Variants in NAPA observed in about 807,000 individuals in gnomAD.
The protein encoded by NAPA is NSF attachment protein alpha, also known as alpha-soluble NSF attachment protein.
Under a neutral mutation model 48.0 loss-of-function variants are expected in NAPA, and 18 were observed. The observed-to-expected ratio is 0.38, with a 90% CI of 0.26 to 0.56. NAPA has a LOEUF of 0.56. Ranked by LOEUF, NAPA falls within the 20% of genes least tolerant of loss-of-function variation. NAPA has a pLI of 0.77. For missense variants in NAPA, 315 were observed against 385.0 expected, an observed-to-expected ratio of 0.82 and a Z score of 1.52; for synonymous variants, 152 against 149.9, an observed-to-expected ratio of 1.01 and a Z score of -0.10.
At chr19:47,511,708 A>T (rs1233617245) in intron 1 of NAPA, among the ~76,000 whole-genome samples, 1 of 152,186 alleles carries the variant, frequency 6.6e-6, no homozygotes, top group African/African-American at 2.4e-5. Flanking sequence ...CAAATAAGTC[A>T]ACTTCTCTAA....
rs1461886011 is a variant in NAPA, at chr19:47,493,937, A to C, written c.343-444T>G. Among the ~76,000 whole-genome samples the C allele has an allele frequency of 1.3e-5, 2 of 152,314 alleles. No homozygotes were observed. Among genetic ancestry groups the C allele is most frequent in the East Asian group, 3.9e-4 (2 of 5,186 alleles). On this transcript the variant is annotated intron_variant, in intron 4 of 10. Transcript: ENST00000263354. This position sits in a 1 kb window ranked among gnomAD's most constrained non-coding sequence, Gnocchi z 6.4. ...GAGGGAGGGCTTGAGACCTCTGCCC[A>C]AGAGTACCAGCTCTGCCCCCAGGCC...
chr19:47,493,759 C>G lies in NAPA; in HGVS notation c.343-266G>C, dbSNP rs767310726. 208 of 477,198 alleles carry G rather than the reference C, an allele frequency of 4.4e-4. No individual in the cohort carries two copies. Among genetic ancestry groups the G allele is most frequent in the Non-Finnish European group, 7.1e-4 (186 of 260,528 alleles). The allele number at this position is 477,198 out of a possible 1,614,324, so 29.6% of individuals were successfully genotyped here. A position where few individuals can be genotyped will look rare whatever the true frequency, so the allele number is the denominator to read the frequency against. ...GGGCCTTAGCCTAATTCCATCCCAT[C>G]CACGAGGGCACAGATGGTGTGACAC... On this transcript the variant is annotated intron_variant, in intron 4 of 10. Coordinates refer to ENST00000263354, the MANE Select transcript of NAPA (RefSeq NM_003827.4). The surrounding 1 kb of genome is among the most constrained non-coding windows in gnomAD (Gnocchi z 6.4).
chr19:47,495,481 A>G, intron 4 of NAPA, 69 bp downstream of exon 4: 1 of 1,518,386 alleles, frequency 6.6e-7, no homozygotes, highest in Non-Finnish European at 9.1e-7. Context: ...GGGGTGCTGA[A>G]AGAGGGGACG....
Position 47,514,836 on chromosome 19 carries a change from T to C in NAPA, c.98+7A>G. ...GGTCCCGGCCGACCCCTCAGCCCGGTTCTCACCCAAAGAGGCCAGAGAAGA... is the reference window on the plus strand; with the variant it reads ...GGTCCCGGCCGACCCCTCAGCCCGGCTCTCACCCAAAGAGGCCAGAGAAGA... On this transcript the variant is annotated splice_region_variant and intron_variant, in intron 1 of 10. Coordinates refer to ENST00000263354, the MANE Select transcript of NAPA (RefSeq NM_003827.4). The C allele has an allele frequency of 6.2e-7, 1 of 1,613,366 alleles. No homozygotes were observed. The highest frequency in any genetic ancestry group is 8.5e-7 in the Non-Finnish European group (1 of 1,179,592).
rs1426736128 is a variant in NAPA at position 47,493,196 on chromosome 19, G to A, written c.421-22C>T. 4.5e-6 allele frequency: 7 copies of A among 1,572,936 alleles called. No homozygotes were observed. The highest frequency in any genetic ancestry group is 5.2e-6 in the Non-Finnish European group (6 of 1,156,400). On this transcript the variant is annotated intron_variant, in intron 5 of 10. Coordinates refer to ENST00000263354, the MANE Select transcript of NAPA (RefSeq NM_003827.4). The surrounding 1 kb of genome is among the most constrained non-coding windows in gnomAD (Gnocchi z 6.4). Reference sequence around the variant, plus strand: ...TGGCCTGGGGAGACACGGGGGATGGGTTCCAGGGGAGGGCAGGGAAGGGAG... The same window carrying A: ...TGGCCTGGGGAGACACGGGGGATGGATTCCAGGGGAGGGCAGGGAAGGGAG...
Position 47,488,099 on chromosome 19 carries a change from G to A in NAPA, c.*189C>T. ...GGGGGCAAGGGATGTAGCGAGAACA[G>A]AGGGTGACTGTCCGGCCAGCAGCCT... On this transcript the variant is annotated 3_prime_UTR_variant, in exon 11 of 11. Transcript: ENST00000263354. 1 of 576,760 alleles carries A rather than the reference G, an allele frequency of 1.7e-6. No homozygotes were observed. The highest frequency in any genetic ancestry group is 2.0e-5 in the South Asian group (1 of 49,378). The allele number at this position is 576,760 out of a possible 1,614,324, so 35.7% of individuals were successfully genotyped here.
intron 2 of NAPA, among the ~76,000 whole-genome samples, chr19:47,501,851 G>A (rs1480161341): frequency 6.6e-6 from 1 of 152,152 alleles, no homozygotes; most frequent in African/African-American, 2.4e-5. Flanking sequence ...GGACCAGGAG[G>A]CCTGGCCCTA....
At position 47,493,088 on chromosome 19, in the gene NAPA, G is replaced by A; in HGVS notation, c.476+31C>T. 2 of 1,614,030 alleles carry A rather than the reference G, an allele frequency of 1.2e-6. No individual in the cohort carries two copies. The highest frequency in any genetic ancestry group is 1.7e-6 in the Non-Finnish European group (2 of 1,179,938). ...GTGAGGGGAAGTGGTGGCGGTCCCT[G>A]CGGGGCTGGGGCAGGCAGGAAGGGG... is the stretch of plus-strand genomic sequence containing the variant. On this transcript the variant is annotated intron_variant, in intron 6 of 10. Coordinates refer to ENST00000263354, the MANE Select transcript of NAPA (RefSeq NM_003827.4). The surrounding 1 kb of genome is among the most constrained non-coding windows in gnomAD (Gnocchi z 6.4).
At chr19:47,501,751 G>A (rs1968582396) in intron 2 of NAPA, among the ~76,000 whole-genome samples, 1 of 152,046 alleles carries the variant, frequency 6.6e-6, no homozygotes. Flanking sequence ...CCTCCTCCTC[G>A]TGCAGCTGAC....
chr19:47,502,828 G>C (rs376535183), intron 2 of NAPA, among the ~76,000 whole-genome samples: 6 of 152,258 alleles, frequency 3.9e-5, no homozygotes, highest in African/African-American at 9.6e-5. Context: ...GCCTCACTGG[G>C]GCAGGTTAAA....
chr19:47,490,309 G>A (rs954338344), intron 9 of NAPA, among the ~76,000 whole-genome samples: 17 of 115,360 alleles, frequency 1.5e-4, no homozygotes, highest in South Asian at 2.9e-4. Context: ...GGGGTGTGTC[G>A]TGTGTGTGTA....
At chr19:47,486,303 C>T (rs1371149844), downstream of NAPA, among the ~76,000 whole-genome samples, 1 of 151,908 alleles carries the variant, frequency 6.6e-6, no homozygotes, top group Admixed American at 6.6e-5. Context: ...TGCAGTGAAC[C>T]AAGATCGCAC....
intron 1 of NAPA, among the ~76,000 whole-genome samples, chr19:47,513,164 T>C (rs1473288192): frequency 6.6e-6 from 1 of 151,468 alleles, no homozygotes; most frequent in Non-Finnish European, 1.5e-5. Context: ...TTCTCCTTCC[T>C]CTGCCCAGAG....
chr19:47,496,645 C>G, intron 3 of NAPA: 1 of 271,922 alleles, frequency 3.7e-6, no homozygotes, highest in Non-Finnish European at 7.5e-6. Flanking sequence ...CATGGTCACC[C>G]AGGCCATGTT....
In NAPA at chr19:47,491,259, C is replaced by A. The variant is rs1968258614; in HGVS notation, c.667-403G>T. The A allele has an allele frequency of 2.6e-5, 5 of 193,414 alleles. 1 individual carries two copies. In the South Asian group the frequency reaches 4.5e-4, roughly 17 times the overall value. 12.0% of individuals were successfully genotyped at this position (193,414 alleles called of 1,614,324 possible). On this transcript the variant is annotated intron_variant, in intron 8 of 10. Transcript: ENST00000263354. ...GTGAGGAAACAGATCCAGAGAGGGG[C>A]AGTGACCTGCCCAGGGCACGGTGAG...
intron 1 of NAPA, among the ~76,000 whole-genome samples, chr19:47,504,730 T>C (rs1968660163): frequency 6.6e-6 from 1 of 151,934 alleles, no homozygotes; most frequent in African/African-American, 2.4e-5. Context: ...CATTTACACA[T>C]ACACAGACAC....
intron 3 of NAPA, among the ~76,000 whole-genome samples, chr19:47,499,148 A>G (rs1968509020): frequency 1.3e-5 from 2 of 152,220 alleles, no homozygotes; most frequent in Non-Finnish European, 2.9e-5. Context: ...CTGGAGAGCT[A>G]GAAAAGCTCA....
chr19:47,508,127 G>A (rs1968729524), intron 1 of NAPA, among the ~76,000 whole-genome samples: 1 of 152,176 alleles, frequency 6.6e-6, no homozygotes. Context: ...GCATCCTCTA[G>A]GCAAAGGAGT....
At chr19:47,508,096 T>C (rs1262839381) in intron 1 of NAPA, among the ~76,000 whole-genome samples, 1 of 152,042 alleles carries the variant, frequency 6.6e-6, no homozygotes, top group Non-Finnish European at 1.5e-5. Flanking sequence ...CAGAGGCTGC[T>C]CTCTGCTGGG....
Sources: allele counts gnomAD v4.1 joint callset (sites outside exome capture counted in the v4.1 genomes callset), GRCh38; gene constraint gnomAD v4.1.1; non-coding constraint Gnocchi (gnomAD v3.1); transcripts MANE v1.5; gene names NCBI Gene and HGNC (gene_info 2026-07-23, HGNC 2026-07-21).